SNTB2: variants seen among roughly 807,000 people sequenced by gnomAD.
SNTB2 encodes beta-2-syntrophin.
SNTB2 carries 34 observed loss-of-function variants against 46.2 expected under a neutral mutation model. That is an observed-to-expected ratio of 0.74 (90% CI 0.56 to 0.98). The LOEUF is 0.98. Ranked by LOEUF, SNTB2 falls within the 50% of genes least tolerant of loss-of-function variation. SNTB2 has a pLI of 0.00. For synonymous variants in SNTB2, 290 were observed against 312.6 expected (o/e 0.93, Z 0.76); for missense variants, 603 against 731.4 (o/e 0.82, Z 2.02).
At position 69,303,735 on chromosome 16, in the gene SNTB2, G is replaced by A. The variant is rs990975822; in HGVS notation, c.*2811G>A. 2 of 152,624 alleles carry A rather than the reference G, an allele frequency of 1.3e-5. No homozygotes were observed. The highest frequency in any genetic ancestry group is 4.8e-5 in the African/African-American group (2 of 41,446). The allele number at this position is 152,624 out of a possible 1,614,324, so 9.5% of individuals were successfully genotyped here. ...GTGGGATTTTCAGTCCGCAAATGAA[G>A]TGCTCTCTAATGAATGGGACACCAT... On this transcript the variant is annotated 3_prime_UTR_variant, in exon 7 of 7. Coordinates refer to ENST00000336278, the MANE Select transcript of SNTB2 (RefSeq NM_006750.4).
chr16:69,198,214 T>C (rs1964124266), intron 1 of SNTB2, among the ~76,000 whole-genome samples: 1 of 151,424 alleles, frequency 6.6e-6, no homozygotes, highest in South Asian at 2.1e-4. Flanking sequence ...GTTCAAGCGA[T>C]TCTCCTGCCT....
At chr16:69,219,513 G>T (rs1406300505) in intron 1 of SNTB2, among the ~76,000 whole-genome samples, 1 of 152,154 alleles carries the variant, frequency 6.6e-6, no homozygotes, top group Non-Finnish European at 1.5e-5. Context: ...CATATGATTA[G>T]AATACAAGCC....
intron 5 of SNTB2, among the ~76,000 whole-genome samples, chr16:69,292,893 G>A (rs963878350): frequency 7.9e-5 from 12 of 152,110 alleles, no homozygotes; most frequent in African/African-American, 1.4e-4. Context: ...CAACATCCCC[G>A]TGGTGTGAAA....
At chr16:69,238,528 A>G (rs1597182968) in intron 1 of SNTB2, among the ~76,000 whole-genome samples, 1 of 152,180 alleles carries the variant, frequency 6.6e-6, no homozygotes, top group Admixed American at 6.5e-5. Flanking sequence ...TAGCAACTAT[A>G]TGCTAATAGC....
intron 1 of SNTB2, among the ~76,000 whole-genome samples, chr16:69,236,687 A>C (rs80025807): frequency 1.3e-5 from 2 of 151,728 alleles, no homozygotes; most frequent in African/African-American, 4.8e-5. Flanking sequence ...AAAAAAAAAA[A>C]AGCAGCAGCA....
chr16:69,236,886 A>G (rs1443720147), intron 1 of SNTB2, among the ~76,000 whole-genome samples: 2 of 152,190 alleles, frequency 1.3e-5, no homozygotes, highest in Non-Finnish European at 2.9e-5. Context: ...GAGCATGAGA[A>G]TTAACCACCT....
intron 5 of SNTB2, 116 bp from the exon 6 acceptor site, chr16:69,299,474 G>C (rs1597206289): frequency 1.0e-6 from 1 of 978,978 alleles, no homozygotes; most frequent in East Asian, 2.6e-5. Context: ...ATACAGGTTA[G>C]GTATCACACA....
intron 1 of SNTB2, among the ~76,000 whole-genome samples, chr16:69,227,745 G>A (rs1216986136): frequency 6.6e-6 from 1 of 151,998 alleles, no homozygotes; most frequent in East Asian, 1.9e-4. Flanking sequence ...GATATGTAGA[G>A]TGTTAGAGGA....
At chr16:69,277,063 C>T (rs562125157) in intron 4 of SNTB2, among the ~76,000 whole-genome samples, 4 of 152,196 alleles carry the variant, frequency 2.6e-5, no homozygotes, top group Non-Finnish European at 5.9e-5. Context: ...ATTGAATTCT[C>T]AGCTGAACTC....
intron 1 of SNTB2, among the ~76,000 whole-genome samples, chr16:69,224,678 C>T (rs1019665036): frequency 1.3e-5 from 2 of 152,178 alleles, no homozygotes; most frequent in African/African-American, 4.8e-5. Flanking sequence ...ACTACACTTA[C>T]TAATGAGAAT....
intron 1 of SNTB2, among the ~76,000 whole-genome samples, chr16:69,206,385 T>G (rs1964219573): frequency 6.6e-6 from 1 of 152,124 alleles, no homozygotes; most frequent in Non-Finnish European, 1.5e-5. Flanking sequence ...TGTGGGTAAT[T>G]AGTCTCTAAT....
chr16:69,214,095 T>C (rs1200003885), intron 1 of SNTB2, among the ~76,000 whole-genome samples: 1 of 150,078 alleles, frequency 6.7e-6, no homozygotes, highest in Non-Finnish European at 1.5e-5. Flanking sequence ...AGTGCTGGGA[T>C]TACAGGCGTG....
chr16:69,292,394 ATATATATATATATTATATATATAT>A (rs1185168831), intron 5 of SNTB2, among the ~76,000 whole-genome samples: 463 of 28,072 alleles, frequency 0.016, 73 homozygotes, highest in Middle Eastern at 0.034. Flanking sequence ...TATATATTAT[ATATATATATATATTATATATATAT>A]TATATATATA....
intron 1 of SNTB2, among the ~76,000 whole-genome samples, chr16:69,188,334 G>A (rs1964015421): frequency 6.6e-6 from 1 of 152,166 alleles, no homozygotes; most frequent in South Asian, 2.1e-4. Context: ...TTTAACAGTG[G>A]AGGCTCACGT....
At chr16:69,253,731 G>A (rs570318637) in intron 2 of SNTB2, among the ~76,000 whole-genome samples, 13 of 152,094 alleles carry the variant, frequency 8.5e-5, no homozygotes, top group Non-Finnish European at 1.8e-4. Context: ...TTTCAGCCCA[G>A]TGGTCCCGGT....
intron 2 of SNTB2, among the ~76,000 whole-genome samples, chr16:69,247,059 T>A (rs1350683917): frequency 6.8e-6 from 1 of 146,916 alleles, no homozygotes; most frequent in African/African-American, 2.5e-5. Flanking sequence ...AAAAAAAATA[T>A]ATATATATAT....
At chr16:69,197,632 T>C (rs1441065489) in intron 1 of SNTB2, among the ~76,000 whole-genome samples, 1 of 152,248 alleles carries the variant, frequency 6.6e-6, no homozygotes, top group Non-Finnish European at 1.5e-5. Context: ...TATTTTACTT[T>C]TGGAAAACAC....
At position 69,211,143 on chromosome 16, in the gene SNTB2, C is replaced by A. The variant is rs541059148; in HGVS notation, c.580+23397C>A. ...AATTAAATTTTTAAAATTTAATGGG[C>A]TGATTAAAAAAAACCCCAATAAATA... On this transcript the variant is annotated intron_variant, in intron 1 of 6. Coordinates refer to ENST00000336278, the MANE Select transcript of SNTB2 (RefSeq NM_006750.4). 5.9e-5 allele frequency among the ~76,000 whole-genome samples: 9 copies of A among 151,424 alleles called. No individual in the cohort carries two copies. In the South Asian group the frequency reaches 1.9e-3, roughly 32 times the overall value.
intron 3 of SNTB2, among the ~76,000 whole-genome samples, chr16:69,264,927 A>G (rs2143103368): frequency 6.6e-6 from 1 of 152,326 alleles, no homozygotes; most frequent in Non-Finnish European, 1.5e-5. Flanking sequence ...TTTCAGTGAT[A>G]AGGAAGAACT....
Sources: gnomAD v4.1 joint callset for allele counts (sites outside exome capture counted in the v4.1 genomes callset) on GRCh38, gnomAD v4.1.1 for gene constraint, MANE v1.5 for transcripts, NCBI Gene and HGNC (gene_info 2026-07-23, HGNC 2026-07-21) for gene names.